Variants in MIB1 observed in about 807,000 individuals in gnomAD.
The protein encoded by MIB1 is MIB E3 ubiquitin protein ligase 1.
MIB1 carries 278 observed loss-of-function variants against 124.5 expected under a neutral mutation model. That is an observed-to-expected ratio of 2.23 (90% CI 2.02 to 2.47). The LOEUF (loss-of-function observed/expected upper bound fraction) is 2.47. Among genes scored for constraint, MIB1 ranks in the 30% most tolerant of loss-of-function variants. MIB1 has a pLI of 0.00. For missense variants in MIB1, 957 were observed against 1,254.4 expected (o/e 0.76, Z 3.58); for synonymous variants, 446 against 429.4 (o/e 1.04, Z -0.48).
chr18:21,754,168 C>T (rs2041005541), intron 1 of MIB1, among the ~76,000 whole-genome samples: 2 of 152,168 alleles, frequency 1.3e-5, no homozygotes, highest in African/African-American at 4.8e-5. Context: ...CTTGCTCTTT[C>T]CTGTGTGGTA....
intron 12 of MIB1, chr18:21,828,867 A>G (rs969338030): frequency 2.0e-5 from 6 of 304,468 alleles, no homozygotes; most frequent in Non-Finnish European, 4.0e-5. Flanking sequence ...AGTAGTAGAT[A>G]ACCTTTTTTT....
rs767170905 is a variant in MIB1, at chr18:21,773,654, A to AG, written c.563dup (p.Ser188ArgfsTer4). The AG allele has an allele frequency of 6.2e-7, 1 of 1,609,968 alleles. No homozygotes were observed. The highest frequency in any genetic ancestry group is 8.5e-7 in the Non-Finnish European group (1 of 1,178,482). On this transcript the variant is annotated frameshift_variant, in exon 4 of 21. Coordinates refer to ENST00000261537, the MANE Select transcript of MIB1 (RefSeq NM_020774.4). LOFTEE classifies it high-confidence loss of function. ...AGAAATCCAGGACTGGAGTGCATCA[A>AG]GCCCACATAGCGCAGCATATGTCCT...
At chr18:21,817,554 C>G (rs1036146566) in intron 11 of MIB1, 4 of 235,010 alleles carry the variant, frequency 1.7e-5, no homozygotes, top group African/African-American at 9.2e-5. Flanking sequence ...TGAAAGCAGC[C>G]ATAGATAATA....
chr18:21,792,305 C>T (rs2041514175), intron 7 of MIB1, among the ~76,000 whole-genome samples: 1 of 152,090 alleles, frequency 6.6e-6, no homozygotes, highest in African/African-American at 2.4e-5. Context: ...CATTCAGTGC[C>T]TCCATCCTGT....
At chr18:21,806,965 G>A (rs1308234616) in intron 10 of MIB1, among the ~76,000 whole-genome samples, 6 of 152,094 alleles carry the variant, frequency 3.9e-5, no homozygotes, top group Admixed American at 1.3e-4. Context: ...TAACTAGAAC[G>A]GTGAGATACA....
rs1362093142 is a variant in MIB1 at position 21,741,836 on chromosome 18, G to C, written c.229+24G>C. On this transcript the variant is annotated intron_variant, in intron 1 of 20. Coordinates refer to ENST00000261537, the MANE Select transcript of MIB1 (RefSeq NM_020774.4). This position sits in a 1 kb window ranked among gnomAD's most constrained non-coding sequence, Gnocchi z 5.4. Reference sequence around the variant, plus strand: ...CGGTAAGCCGCGGCCACCTGGCCAGGGCTTGCGCGCGCGGGGGGAAGGGGC... The same window carrying C: ...CGGTAAGCCGCGGCCACCTGGCCAGCGCTTGCGCGCGCGGGGGGAAGGGGC... 1.9e-6 allele frequency: 3 copies of C among 1,549,048 alleles called. No homozygotes were observed. In the African/African-American group the frequency reaches 4.1e-5, roughly 21 times the overall value.
rs972104961 is a variant in MIB1 at position 21,741,042 on chromosome 18, G to A, written c.-542G>A. Among the ~76,000 whole-genome samples the A allele has an allele frequency of 6.6e-6, 1 of 152,074 alleles. No individual in the cohort carries two copies. Among genetic ancestry groups the A allele is most frequent in the Admixed American group, 6.5e-5 (1 of 15,278 alleles). On this transcript the variant is annotated 5_prime_UTR_variant, in exon 1 of 21. Transcript: ENST00000261537. The surrounding 1 kb of genome is among the most constrained non-coding windows in gnomAD (Gnocchi z 5.4). ...CAGAGAGAAGGGGGCCTGAGGGCCC[G>A]GGCGCTCGCCGGACGCCGGGAGGTA...
rs564802386 is a variant in MIB1, at chr18:21,848,203, T to C, written c.2394-993T>C. Among the ~76,000 whole-genome samples the C allele has an allele frequency of 9.2e-5, 14 of 152,320 alleles. 1 individual carries two copies. In the South Asian group the frequency reaches 2.9e-3, roughly 32 times the overall value. ...GGCCGGGCGTGGTGGCTCACACCTG[T>C]AATCTGAGCACTTTGGGAGGCCGAG... On this transcript the variant is annotated intron_variant, in intron 16 of 20. Coordinates refer to ENST00000261537, the MANE Select transcript of MIB1 (RefSeq NM_020774.4).
chr18:21,859,886 C>CAAAAA (rs934260189), intron 20 of MIB1, among the ~76,000 whole-genome samples: 2 of 28,416 alleles, frequency 7.0e-5, no homozygotes, highest in African/African-American at 1.3e-4. Flanking sequence ...GAGACTGTCT[C>CAAAAA]AAAAAAAAAA....
At chr18:21,748,394 CCTCCCTCT>C (rs1395214604) in intron 1 of MIB1, among the ~76,000 whole-genome samples, 14 of 113,522 alleles carry the variant, frequency 1.2e-4, no homozygotes, top group East Asian at 3.4e-4. Context: ...CTCTCTCCCC[CCTCCCTCT>C]CTCCCTCTCT....
chr18:21,717,177 G>C lies in MIB1; in HGVS notation n.167+12054G>C, dbSNP rs537316817. On this transcript the variant is annotated intron_variant and non_coding_transcript_variant, in intron 1 of 20. Coordinates refer to the MIB1 transcript ENST00000578646. ...GAAAGGACAACCTATTCAACAAATGGTGCAGGGTAGCCAAATGTAGGAGAA... is the reference window on the plus strand; with the variant it reads ...GAAAGGACAACCTATTCAACAAATGCTGCAGGGTAGCCAAATGTAGGAGAA... Among the ~76,000 whole-genome samples the C allele has an allele frequency of 1.1e-4, 17 of 152,216 alleles. No individual in the cohort carries two copies. The South Asian group carries it at 3.5e-3, about 32-fold the overall frequency.
chr18:21,852,648 G>A (rs2042190028), intron 17 of MIB1, among the ~76,000 whole-genome samples: 1 of 152,120 alleles, frequency 6.6e-6, no homozygotes, highest in Non-Finnish European at 1.5e-5. Flanking sequence ...ACCAAGTCCT[G>A]GAAAAGGGCA....
intron 1 of MIB1, among the ~76,000 whole-genome samples, chr18:21,735,720 G>T (rs576538972): frequency 6.6e-6 from 1 of 152,200 alleles, no homozygotes; most frequent in Non-Finnish European, 1.5e-5. Flanking sequence ...TGAGGCTTGC[G>T]TAGGCAGTTT....
rs746365974 is a variant in MIB1 at position 21,791,418 on chromosome 18, G to A, written c.953G>A (p.Arg318Gln). 6.2e-6 allele frequency: 10 copies of A among 1,613,618 alleles called. No individual in the cohort carries two copies. Among genetic ancestry groups the A allele is most frequent in the South Asian group, 1.1e-5 (1 of 90,924 alleles). Reference protein sequence around the residue: ...PAVLTKANIVRSGDAAQGAEG... With the variant: ...PAVLTKANIVQSGDAAQGAEG... The stretch of plus-strand genomic sequence containing the variant: ...GTTCTCACTAAAGCGAACATTGTCC[G>A]AAGTGGAGATGCTGCTCAGGGTGCA... Residue 318 changes from arginine (R) to glutamine (Q), a missense_variant, in exon 7 of 21, where the codon CGA (arginine) becomes CAA (glutamine). By Grantham distance (43) the Arg-to-Gln change is conservative. Coordinates refer to ENST00000261537, the MANE Select transcript of MIB1 (RefSeq NM_020774.4).
intron 4 of MIB1, among the ~76,000 whole-genome samples, chr18:21,776,012 A>T (rs1292127030): frequency 6.6e-6 from 1 of 152,132 alleles, no homozygotes; most frequent in Non-Finnish European, 1.5e-5. Flanking sequence ...CACACCTGTA[A>T]TCCCAGCACC....
intron 3 of MIB1, among the ~76,000 whole-genome samples, chr18:21,771,695 G>T (rs2041225407): frequency 2.0e-5 from 3 of 152,010 alleles, no homozygotes; most frequent in Admixed American, 2.0e-4. Flanking sequence ...TCTTAGGTTG[G>T]GTAATAATTA....
intron 10 of MIB1, among the ~76,000 whole-genome samples, chr18:21,806,644 G>A (rs1207441077): frequency 6.7e-6 from 1 of 148,314 alleles, no homozygotes; most frequent in Non-Finnish European, 1.5e-5. Context: ...TTTTTGAGAC[G>A]GAGTCTTGCT....
intron 1 of MIB1, among the ~76,000 whole-genome samples, chr18:21,725,610 A>G (rs939345555): frequency 6.6e-6 from 1 of 152,218 alleles, no homozygotes; most frequent in African/African-American, 2.4e-5. Context: ...GTCATTTGAG[A>G]CTATCTTCCT....
intron 1 of MIB1, among the ~76,000 whole-genome samples, chr18:21,757,138 CTATT>C (rs1001438261): frequency 2.0e-5 from 3 of 151,834 alleles, no homozygotes; most frequent in Non-Finnish European, 4.4e-5. Context: ...GTCAACTACA[CTATT>C]TACATTAACT....
Sources: allele counts gnomAD v4.1 joint callset (sites outside exome capture counted in the v4.1 genomes callset), GRCh38; gene constraint gnomAD v4.1.1; non-coding constraint Gnocchi (gnomAD v3.1); transcripts MANE v1.5; gene names NCBI Gene and HGNC (gene_info 2026-07-23, HGNC 2026-07-21).